The following CUL4A variants were observed in gnomAD, a reference collection of about 807,000 sequenced individuals.
The protein encoded by CUL4A is cullin 4A.
A neutral mutation model predicts 95.5 loss-of-function variants in CUL4A; 16 were observed. The observed-to-expected ratio is 0.17, with a 90% CI of 0.11 to 0.25. The LOEUF is 0.25. Ranked by LOEUF, CUL4A falls within the 10% of genes least tolerant of loss-of-function variation. CUL4A has a pLI of 1.00. For missense variants in CUL4A, 610 were observed against 937.0 expected (o/e 0.65, Z 4.56); for synonymous variants, 380 against 353.1 (o/e 1.08, Z -0.85).
intron 2 of CUL4A, among the ~76,000 whole-genome samples, chr13:113,213,918 GA>G (rs1487572767): frequency 6.6e-6 from 1 of 152,260 alleles, no homozygotes; most frequent in African/African-American, 2.4e-5. Context: ...TCTGAAGCAT[GA>G]GCTGCCTCAG....
rs917441121 is a variant in CUL4A, at chr13:113,233,267, G to A, written c.603G>A (p.Glu201=). Residue 201 remains glutamate, a synonymous_variant, in exon 6 of 20, where the codon GAG becomes GAA. Transcript: ENST00000375440. ...TTGATGGAATCCTACTGCTGATCGAGCGCGAGAGGAGCGGCGAGGCCGTGG... is the reference window on the plus strand; with the variant it reads ...TTGATGGAATCCTACTGCTGATCGAACGCGAGAGGAGCGGCGAGGCCGTGG... ...KTIDGILLLI[E]RERSGEAVDR... is the part of the protein sequence containing the mutation. The A allele has an allele frequency of 1.9e-6, 3 of 1,614,060 alleles. No individual in the cohort carries two copies. The highest frequency in any genetic ancestry group is 2.5e-6 in the Non-Finnish European group (3 of 1,180,024).
intron 2 of CUL4A, 114 bp from the exon 3 acceptor site, chr13:113,218,831 G>C: frequency 1.6e-6 from 1 of 637,010 alleles, no homozygotes; most frequent in South Asian, 2.1e-5. Context: ...GAAGTACTGG[G>C]GTAGGGTGTG....
rs1195622688 is a variant in CUL4A, at chr13:113,246,040, A to G, written c.1615A>G (p.Met539Val). The G allele has an allele frequency of 1.9e-6, 3 of 1,613,636 alleles. No homozygotes were observed. Among genetic ancestry groups the G allele is most frequent in the African/African-American group, 1.3e-5 (1 of 74,906 alleles). ...TMGYWPTYTP[M>V]EVHLTPEMIK... ...GGGCTACTGGCCAACATACACGCCCATGGAAGTGCACTTAACCCCAGAAGT... is the reference window on the plus strand; with the variant it reads ...GGGCTACTGGCCAACATACACGCCCGTGGAAGTGCACTTAACCCCAGAAGT... Residue 539 changes from methionine to valine, a missense_variant, in exon 15 of 20, where the codon ATG (methionine) becomes GTG (valine). Coordinates refer to ENST00000375440, the MANE Select transcript of CUL4A (RefSeq NM_001008895.4).
rs180868102 is a variant in CUL4A, at chr13:113,250,969, G to A, written c.1639-2113G>A. On this transcript the variant is annotated intron_variant, in intron 15 of 19. Coordinates refer to ENST00000375440, the MANE Select transcript of CUL4A (RefSeq NM_001008895.4). Reference sequence around the variant, plus strand: ...ATGAAGAGGAGATTGCCAAGCAGATGTGAGGTCAGCAGGAATTTCTGACAG... The same window carrying A: ...ATGAAGAGGAGATTGCCAAGCAGATATGAGGTCAGCAGGAATTTCTGACAG... Among the ~76,000 whole-genome samples, 121 of 152,248 alleles carry A rather than the reference G, an allele frequency of 7.9e-4. 1 individual carries two copies. In the Middle Eastern group the frequency reaches 0.01, roughly 13 times the overall value.
At chr13:113,209,519 G>GCGGGGCGCGCGAGGAGGA (rs1358111263), upstream of CUL4A, 3 of 640,196 alleles carry the variant, frequency 4.7e-6, no homozygotes, top group African/African-American at 6.1e-5. Context: ...GCGGGGCGGG[G>GCGGGGCGCGCGAGGAGGA]CGGGGCGCGC....
chr13:113,239,611 C>T, intron 10 of CUL4A, 60 bp downstream of exon 10: 1 of 1,260,690 alleles, frequency 7.9e-7, no homozygotes, highest in South Asian at 1.4e-5. Context: ...CAGAGCCCCT[C>T]CTGAGAACGC....
intron 2 of CUL4A, among the ~76,000 whole-genome samples, chr13:113,214,519 T>TAA (rs1483462674): frequency 2.7e-5 from 4 of 150,924 alleles, no homozygotes; most frequent in Non-Finnish European, 4.4e-5. Context: ...TCAGGCCCTT[T>TAA]AAAAAAAAAG....
rs781384199 is a variant in CUL4A at position 113,219,022 on chromosome 13, C to G, written c.342C>G (p.Val114=). The part of the protein sequence containing the change: ...KQLRQACEDH[V]QAQILPFRED... ...TGCGTCAGGCCTGTGAAGACCACGT[C>G]CAGGCACAGATCCTTCCGTTTAGAG... The change falls in exon 3 of 20, where the codon GTC becomes GTG. Residue 114 remains valine (V), a synonymous_variant. Transcript: ENST00000375440. 6.2e-7 allele frequency: 1 copy of G among 1,611,530 alleles called. No individual in the cohort carries two copies. The highest frequency in any genetic ancestry group is 8.5e-7 in the Non-Finnish European group (1 of 1,178,856).
At chr13:113,249,249 A>G (rs537730067) in intron 15 of CUL4A, among the ~76,000 whole-genome samples, 1 of 151,974 alleles carries the variant, frequency 6.6e-6, no homozygotes, top group Non-Finnish European at 1.5e-5. Flanking sequence ...TCCATGCTGT[A>G]CCATACATGA....
intron 9 of CUL4A, 68 bp from the exon 10 acceptor site, chr13:113,239,365 G>A: frequency 1.5e-6 from 2 of 1,321,260 alleles, no homozygotes; most frequent in Non-Finnish European, 2.2e-6. Context: ...GGTGCACGCT[G>A]TATTCTAGTT....
rs993505588 is a variant in CUL4A, at chr13:113,210,141, C to T, written c.264+53C>T. ...CCGCTCCTGCCCCGCGTGACGCAGA[C>T]GCGGCCGGGCGGCCGCTCCGGGTGC... On this transcript the variant is annotated intron_variant, in intron 2 of 19. Transcript: ENST00000375440. The T allele has an allele frequency of 2.4e-6, 3 of 1,272,562 alleles. No individual in the cohort carries two copies. In the African/African-American group the frequency reaches 4.8e-5, roughly 20 times the overall value. 78.8% of individuals were successfully genotyped at this position (1,272,562 alleles called of 1,614,324 possible).
rs1303258098 is a variant in CUL4A at position 113,263,544 on chromosome 13, G to A, written c.2242G>A (p.Asp748Asn). Residue 748 changes from aspartate (D) to asparagine (N), a missense_variant, in exon 20 of 20, where the codon GAC becomes AAC. This residue lies in a region of CUL4A where 31 missense variants were observed against 40.3 expected (regional missense o/e 0.77). Coordinates refer to ENST00000375440, the MANE Select transcript of CUL4A (RefSeq NM_001008895.4). ...GATAGACAGAGACTATATGGAGAGA[G>A]ACAAAGACAATCCGAATCAGTACCA... ...SLIDRDYMER[D>N]KDNPNQYHYV... The A allele has an allele frequency of 6.8e-6, 11 of 1,608,872 alleles. No homozygotes were observed. Among genetic ancestry groups the A allele is most frequent in the Non-Finnish European group, 7.6e-6 (9 of 1,177,830 alleles).
chr13:113,237,631 T>C (rs2041589380), intron 9 of CUL4A, among the ~76,000 whole-genome samples: 1 of 152,248 alleles, frequency 6.6e-6, no homozygotes, highest in South Asian at 2.1e-4. Context: ...CTGGCACATT[T>C]CACTGTTACC....
At chr13:113,258,165 A>G (rs2042179398) in intron 18 of CUL4A, among the ~76,000 whole-genome samples, 1 of 151,808 alleles carries the variant, frequency 6.6e-6, no homozygotes, top group Non-Finnish European at 1.5e-5. Flanking sequence ...AAATTTTTGT[A>G]TTTTTTGTAG....
Position 113,266,165 on chromosome 13 carries a change from A to C in CUL4A, c.*2583A>C, listed in dbSNP as rs1050635697. On this transcript the variant is annotated 3_prime_UTR_variant, in exon 20 of 20. Coordinates refer to ENST00000375440, the MANE Select transcript of CUL4A (RefSeq NM_001008895.4). ...TGAGTAGCTGGGCCTACAGGTGTAC[A>C]TCACCACGCCCAGATAATTTTTATT... 1 of 152,116 alleles carries C rather than the reference A, an allele frequency of 6.6e-6. No homozygotes were observed. The highest frequency in any genetic ancestry group is 1.9e-4 in the East Asian group (1 of 5,184). The allele number at this position is 152,116 out of a possible 1,614,324, so 9.4% of individuals were successfully genotyped here. A position where few individuals can be genotyped will look rare whatever the true frequency, so the allele number is the denominator to read the frequency against.
At chr13:113,246,105 C>A in intron 15 of CUL4A, 42 bp downstream of exon 15, 2 of 1,444,210 alleles carry the variant, frequency 1.4e-6, no homozygotes, top group Middle Eastern at 2.0e-4. Flanking sequence ...CGCTGTCATG[C>A]CCTTACCAGG....
chr13:113,249,613 A>T (rs1595415998), intron 15 of CUL4A, among the ~76,000 whole-genome samples: 1 of 152,218 alleles, frequency 6.6e-6, no homozygotes, highest in African/African-American at 2.4e-5. Flanking sequence ...ATTTTGGGGT[A>T]TATACCTGGG....
rs1306451715 is a variant in CUL4A, at chr13:113,264,933, CCAAA to C, written c.*1354_*1357del. ...TCCATGATATGTGGTCTAAGAAAGACCAAACAGATTTCTATTTTTTTTTTCTTAT... is the reference window on the plus strand; with the variant it reads ...TCCATGATATGTGGTCTAAGAAAGACCAGATTTCTATTTTTTTTTTCTTAT... On this transcript the variant is annotated 3_prime_UTR_variant, in exon 20 of 20. Coordinates refer to ENST00000375440, the MANE Select transcript of CUL4A (RefSeq NM_001008895.4). 1.1e-4 allele frequency: 11 copies of C among 96,474 alleles called. No individual in the cohort carries two copies. In the East Asian group the frequency reaches 1.6e-3, roughly 14 times the overall value. 6.0% of individuals were successfully genotyped at this position (96,474 alleles called of 1,614,324 possible).
intron 3 of CUL4A, chr13:113,219,902 T>A (rs1264298948): frequency 6.6e-6 from 1 of 152,182 alleles, no homozygotes; most frequent in African/African-American, 2.4e-5. Context: ...AGAAAATCCT[T>A]TAATCTGGAC....
Sources: allele counts gnomAD v4.1 joint callset (sites outside exome capture counted in the v4.1 genomes callset), GRCh38; gene constraint gnomAD v4.1.1; regional missense constraint gnomAD v4.1.1; transcripts MANE v1.5; gene names NCBI Gene and HGNC (gene_info 2026-07-23, HGNC 2026-07-21).